Variants in NOL4L observed in about 807,000 individuals in gnomAD.
NOL4L encodes the protein nucleolar protein 4-like.
In NOL4L, 7 loss-of-function variants were observed where a neutral mutation model predicts 64.5. That is an observed-to-expected ratio of 0.11 (90% CI 0.06 to 0.20). The LOEUF (loss-of-function observed/expected upper bound fraction) is 0.20, where lower values mean the gene tolerates loss of function less well. Among genes scored for constraint, NOL4L ranks in the 10% least tolerant of loss-of-function variants. NOL4L has a pLI of 1.00. For synonymous variants in NOL4L, 413 were observed against 401.0 expected (o/e 1.03, Z -0.36); for missense variants, 680 against 967.1 (o/e 0.70, Z 3.94).
At chr20:32,454,366 C>T (rs6141311) in intron 6 of NOL4L, among the ~76,000 whole-genome samples, 53,151 of 152,154 alleles carry the variant, frequency 0.35, 10,968 homozygotes, top group East Asian at 0.79. Flanking sequence ...CTGCCCCCCA[C>T]CCAGGACAGC....
At chr20:32,481,719 AT>A (rs761505117) in intron 4 of NOL4L, among the ~76,000 whole-genome samples, 1 of 152,212 alleles carries the variant, frequency 6.6e-6, no homozygotes, top group Non-Finnish European at 1.5e-5. Flanking sequence ...TCAAGGACAC[AT>A]TTAGGCCCTA....
intron 2 of NOL4L, among the ~76,000 whole-genome samples, chr20:32,525,183 C>T (rs1438470277): frequency 6.6e-6 from 1 of 152,254 alleles, no homozygotes; most frequent in Admixed American, 6.5e-5. Flanking sequence ...CCAGCTCAGC[C>T]CTGCCCTCCC....
chr20:32,452,490 C>G, intron 9 of NOL4L, 53 bp from the exon 10 acceptor site: 1 of 1,454,680 alleles, frequency 6.9e-7, no homozygotes, highest in Non-Finnish European at 9.3e-7. Flanking sequence ...CTGGCCCCAA[C>G]TACCATCCCT....
chr20:32,509,875 A>G (rs1184150880), intron 4 of NOL4L: 9 of 1,304,274 alleles, frequency 6.9e-6, no homozygotes, highest in East Asian at 5.5e-5. Flanking sequence ...TTCATTCTTC[A>G]TGGGCACAGA....
At chr20:32,547,219 G>A (rs866723552) in intron 1 of NOL4L, among the ~76,000 whole-genome samples, 8 of 152,208 alleles carry the variant, frequency 5.3e-5, no homozygotes, top group African/African-American at 1.2e-4. Context: ...AGAGAAGAAA[G>A]TGACACACAT....
chr20:32,572,450 C>T (rs1000788524), intron 1 of NOL4L: 1 of 152,222 alleles, frequency 6.6e-6, no homozygotes, highest in East Asian at 1.9e-4. Context: ...AAGTAGCTGA[C>T]GTTGCTCTCC....
At chr20:32,576,883 C>T (rs1032213335) in intron 1 of NOL4L, among the ~76,000 whole-genome samples, 2 of 152,164 alleles carry the variant, frequency 1.3e-5, no homozygotes, top group African/African-American at 4.8e-5. Flanking sequence ...CGTGGGGTGC[C>T]CTCACTAAAG....
At chr20:32,574,862 G>C (rs1201541438) in intron 1 of NOL4L, among the ~76,000 whole-genome samples, 1 of 151,604 alleles carries the variant, frequency 6.6e-6, no homozygotes, top group African/African-American at 2.4e-5. Context: ...CTGTGCCCCA[G>C]ATCCTGCCCC....
At chr20:32,483,974 G>C (rs1166624561) in intron 4 of NOL4L, among the ~76,000 whole-genome samples, 1 of 151,738 alleles carries the variant, frequency 6.6e-6, no homozygotes, top group Non-Finnish European at 1.5e-5. Context: ...GCTGAGCCCG[G>C]AAAGAAGGCG....
At position 32,447,403 on chromosome 20, in the gene NOL4L, C is replaced by CAACA; in HGVS notation, c.*192_*193insTGTT. ...TCAGAGCACCCGTGTGGTGAGATTC[C>CAACA]AAAAAAAAAAAAAAAAAAAAAAAAA... On this transcript the variant is annotated 3_prime_UTR_variant, in exon 11 of 11. Coordinates refer to ENST00000621426, the MANE Select transcript of NOL4L (RefSeq NM_001256798.2). 6.6e-6 allele frequency: 1 copy of CAACA among 150,962 alleles called. No homozygotes were observed. The highest frequency in any genetic ancestry group is 1.1e-5 in the Non-Finnish European group (1 of 93,084). 9.4% of individuals were successfully genotyped at this position (150,962 alleles called of 1,614,324 possible).
intron 5 of NOL4L, among the ~76,000 whole-genome samples, chr20:32,469,623 A>G (rs1362573008): frequency 6.6e-6 from 1 of 152,178 alleles, no homozygotes; most frequent in East Asian, 1.9e-4. Context: ...CACCCGCCTC[A>G]GCCTCCCAAA....
intron 4 of NOL4L, among the ~76,000 whole-genome samples, chr20:32,492,411 G>A (rs551291861): frequency 1.3e-5 from 2 of 152,318 alleles, no homozygotes; most frequent in South Asian, 4.2e-4. Flanking sequence ...GGTCACCCTG[G>A]CCCAGGGGCA....
intron 1 of NOL4L, among the ~76,000 whole-genome samples, chr20:32,528,763 C>A (rs1292017297): frequency 6.6e-6 from 1 of 152,234 alleles, no homozygotes; most frequent in African/African-American, 2.4e-5. Flanking sequence ...CTGCTCCGTG[C>A]AGGCAGTCCT....
intron 4 of NOL4L, among the ~76,000 whole-genome samples, chr20:32,497,685 T>A (rs944703689): frequency 4.6e-5 from 7 of 152,148 alleles, no homozygotes; most frequent in Admixed American, 4.6e-4. Flanking sequence ...ACCATCTGGA[T>A]GTTTTGAGCT....
intron 3 of NOL4L, among the ~76,000 whole-genome samples, chr20:32,514,878 CCATGGTGAGTGTGACAT>C (rs1282426212): frequency 2.6e-5 from 4 of 152,046 alleles, no homozygotes; most frequent in African/African-American, 2.4e-5. Flanking sequence ...CTGTTAAGCA[CCATGGTGAGTGTGACAT>C]CATGGTGAGT....
chr20:32,486,140 G>GT (rs1182197477), intron 4 of NOL4L, among the ~76,000 whole-genome samples: 1 of 152,248 alleles, frequency 6.6e-6, no homozygotes, highest in Non-Finnish European at 1.5e-5. Flanking sequence ...TCATGTGTGT[G>GT]TGCTGAAGCC....
intron 1 of NOL4L, among the ~76,000 whole-genome samples, chr20:32,578,918 T>C (rs978605271): frequency 7.2e-5 from 11 of 151,752 alleles, no homozygotes; most frequent in African/African-American, 2.7e-4. Context: ...GGGTAGGGGG[T>C]GGCAGTGGGA....
At chr20:32,551,236 C>T (rs2016029072) in intron 1 of NOL4L, among the ~76,000 whole-genome samples, 1 of 151,662 alleles carries the variant, frequency 6.6e-6, no homozygotes. Context: ...ATTAGCCGGG[C>T]GTGATGGTGG....
At chr20:32,543,184 G>A (rs1182650402) in intron 1 of NOL4L, among the ~76,000 whole-genome samples, 1 of 152,210 alleles carries the variant, frequency 6.6e-6, no homozygotes, top group Admixed American at 6.5e-5. Flanking sequence ...ACAGGGCAAG[G>A]AGTGGGGCTG....
Sources: allele counts gnomAD v4.1 joint callset (sites outside exome capture counted in the v4.1 genomes callset), GRCh38; gene constraint gnomAD v4.1.1; transcripts MANE v1.5; gene names NCBI Gene and HGNC (gene_info 2026-07-23, HGNC 2026-07-21).